Variants in SHANK2 observed in about 807,000 individuals in gnomAD.
SHANK2 encodes the protein SH3 and multiple ankyrin repeat domains 2, also known as SH3 and multiple ankyrin repeat domains protein 2.
In SHANK2, 43 loss-of-function variants were observed where a neutral mutation model predicts 133.7. The ratio of observed to expected loss-of-function variants is 0.32; its 90% CI spans 0.25 to 0.41. The LOEUF is 0.41. Among genes scored for constraint, SHANK2 ranks in the 10% least tolerant of loss-of-function variants. The pLI, the probability that SHANK2 is intolerant of heterozygous loss-of-function variation, is 1.00. For missense variants in SHANK2, 1,994 were observed against 2,235.8 expected (o/e 0.89, Z 2.18); for synonymous variants, 1,017 against 952.8 (o/e 1.07, Z -1.24).
At chr11:70,592,181 T>A (rs1447217498) in intron 17 of SHANK2, among the ~76,000 whole-genome samples, 1 of 152,194 alleles carries the variant, frequency 6.6e-6, no homozygotes, top group Non-Finnish European at 1.5e-5. Context: ...TGATGTGTGC[T>A]GACCGCCGGC....
intron 1 of SHANK2, among the ~76,000 whole-genome samples, chr11:71,251,681 C>T (rs1169899471): frequency 1.3e-5 from 2 of 151,214 alleles, no homozygotes; most frequent in Admixed American, 1.3e-4. Context: ...CGCCGGGTCT[C>T]CCTATCCCAG....
At chr11:70,912,982 G>A (rs79534493) in intron 10 of SHANK2, among the ~76,000 whole-genome samples, 77 of 151,698 alleles carry the variant, frequency 5.1e-4, no homozygotes, top group African/African-American at 1.8e-3. Context: ...TCAGTTCTCT[G>A]GACTTATCAA....
chr11:70,943,583 T>G (rs1322391374), intron 10 of SHANK2, among the ~76,000 whole-genome samples: 1 of 152,034 alleles, frequency 6.6e-6, no homozygotes, highest in Non-Finnish European at 1.5e-5. Context: ...GGACAGGGGC[T>G]GAGGAGGCAG....
At chr11:70,691,620 G>A (rs188987018) in intron 15 of SHANK2, among the ~76,000 whole-genome samples, 23 of 152,296 alleles carry the variant, frequency 1.5e-4, no homozygotes, top group African/African-American at 5.1e-4. Context: ...GGCCAGGTGC[G>A]GTGGCTCACG....
chr11:70,852,047 CCTT>C (rs1366445813), intron 11 of SHANK2, among the ~76,000 whole-genome samples: 25 of 152,228 alleles, frequency 1.6e-4, no homozygotes, highest in Non-Finnish European at 3.4e-4. Flanking sequence ...AAAACCAAGA[CCTT>C]CTGGGCCACT....
intron 17 of SHANK2, among the ~76,000 whole-genome samples, chr11:70,573,525 C>T (rs1196410725): frequency 7.9e-6 from 1 of 125,962 alleles, no homozygotes; most frequent in Non-Finnish European, 1.6e-5. Flanking sequence ...GAGAGGTTGC[C>T]CCATGTGTCT....
In SHANK2 at chr11:70,692,766, T is replaced by C. The variant is rs868983494; in HGVS notation, c.1853+5922A>G. ...GATTTAGAAAAGATAAAAATTGGGC[T>C]GTGAGGCTCGAAAGCCATGAAAATA... On this transcript the variant is annotated intron_variant, in intron 15 of 25. Transcript: ENST00000601538. Among the ~76,000 whole-genome samples, 5 of 152,200 alleles carry C rather than the reference T, an allele frequency of 3.3e-5. No individual in the cohort carries two copies. The South Asian group carries it at 1.0e-3, about 32-fold the overall frequency.
At chr11:70,483,644 G>A (rs1460401164) in intron 25 of SHANK2, among the ~76,000 whole-genome samples, 9 of 152,098 alleles carry the variant, frequency 5.9e-5, no homozygotes, top group African/African-American at 2.2e-4. Context: ...AAGCCCAGGA[G>A]GTCTAGGCTG....
chr11:70,907,530 A>G (rs1555078202), intron 10 of SHANK2: 10 of 172,722 alleles, frequency 5.8e-5, no homozygotes, highest in Non-Finnish European at 1.2e-4. Flanking sequence ...CTATCATGAG[A>G]ATTAAAATAG....
chr11:71,080,744 A>T lies in SHANK2; in HGVS notation c.913-5469T>A, dbSNP rs1409196951. ...TGGGCTGCCCGTCAGTAGAGAAACA[A>T]CGTCTCGTCCAAACACAAGCAAATC... On this transcript the variant is annotated intron_variant, in intron 8 of 25. Transcript: ENST00000601538. 2.6e-5 allele frequency among the ~76,000 whole-genome samples: 4 copies of T among 152,152 alleles called. No homozygotes were observed. In the East Asian group the frequency reaches 7.7e-4, roughly 29 times the overall value.
intron 15 of SHANK2, among the ~76,000 whole-genome samples, chr11:70,670,445 G>A (rs1478240602): frequency 4.6e-5 from 7 of 152,218 alleles, no homozygotes; most frequent in Admixed American, 2.0e-4. Flanking sequence ...CAGCTCGGGC[G>A]CTTTGGCCGC....
At chr11:70,698,555 C>G in intron 15 of SHANK2, 133 bp downstream of exon 15, 2 of 689,378 alleles carry the variant, frequency 2.9e-6, no homozygotes, top group East Asian at 5.4e-5. Flanking sequence ...TTCCATAGTC[C>G]TAGCCCGGTA....
At chr11:71,216,304 C>T (rs1294823780) in intron 2 of SHANK2, among the ~76,000 whole-genome samples, 1 of 152,196 alleles carries the variant, frequency 6.6e-6, no homozygotes, top group Non-Finnish European at 1.5e-5. Context: ...GAAGGAATCA[C>T]TGAATCATGC....
At chr11:70,661,918 G>A (rs1035841419) in intron 15 of SHANK2, 1 of 1,008,894 alleles carries the variant, frequency 9.9e-7, no homozygotes, top group Non-Finnish European at 1.5e-6. Context: ...AGGCAGAGCC[G>A]GAGCCAGCCG....
intron 15 of SHANK2, among the ~76,000 whole-genome samples, chr11:70,691,654 G>A (rs1257979803): frequency 6.6e-6 from 1 of 152,246 alleles, no homozygotes; most frequent in Non-Finnish European, 1.5e-5. Flanking sequence ...CACTTTGGGA[G>A]GCTGAGGCTG....
chr11:71,219,153 T>C (rs1383823155), intron 2 of SHANK2, among the ~76,000 whole-genome samples: 3 of 152,204 alleles, frequency 2.0e-5, no homozygotes, highest in African/African-American at 7.2e-5. Flanking sequence ...AGTGGCATGG[T>C]TCTAGGCAAT....
chr11:71,190,569 G>A (rs1182749921), intron 2 of SHANK2, among the ~76,000 whole-genome samples: 1 of 152,228 alleles, frequency 6.6e-6, no homozygotes, highest in African/African-American at 2.4e-5. Context: ...AAGAGAAAGT[G>A]CGTCACCACC....
At chr11:70,731,834 C>CG (rs1480545387) in intron 14 of SHANK2, among the ~76,000 whole-genome samples, 3 of 152,204 alleles carry the variant, frequency 2.0e-5, no homozygotes, top group African/African-American at 7.2e-5. Context: ...CTCCACGCTG[C>CG]GAGGTGGAAC....
chr11:70,589,761 G>A (rs1299909518), intron 17 of SHANK2, among the ~76,000 whole-genome samples: 8 of 152,210 alleles, frequency 5.3e-5, no homozygotes, highest in Non-Finnish European at 1.2e-4. Context: ...ATGAGCAGGA[G>A]TTGAGAAGAA....
Sources: allele counts gnomAD v4.1 joint callset (sites outside exome capture counted in the v4.1 genomes callset), GRCh38; gene constraint gnomAD v4.1.1; transcripts MANE v1.5; gene names NCBI Gene and HGNC (gene_info 2026-07-23, HGNC 2026-07-21).